Variants in AKAP13 observed in about 807,000 individuals in gnomAD.
AKAP13 encodes the protein A-kinase anchor protein 13.
A neutral mutation model predicts 264.5 loss-of-function variants in AKAP13; 80 were observed. That is an observed-to-expected ratio of 0.30 (90% CI 0.25 to 0.36). The LOEUF is 0.36. Ranked by LOEUF, AKAP13 falls within the 10% of genes least tolerant of loss-of-function variation. AKAP13 has a pLI of 1.00. For missense variants in AKAP13, 3,712 were observed against 3,435.2 expected (o/e 1.08, Z -2.01); for synonymous variants, 1,380 against 1,250.2 (o/e 1.10, Z -2.19).
intron 30 of AKAP13, 105 bp downstream of exon 30, chr15:85,730,812 G>C (rs1478655256): frequency 1.0e-5 from 10 of 985,644 alleles, no homozygotes; most frequent in African/African-American, 1.6e-5. Context: ...CACAAATGCA[G>C]AAAATTACCC....
chr15:85,438,156 A>G (rs1596171900), intron 1 of AKAP13, among the ~76,000 whole-genome samples: 2 of 146,598 alleles, frequency 1.4e-5, no homozygotes, highest in East Asian at 2.0e-4. Flanking sequence ...AATCACAAGC[A>G]TTCTCATACA....
intron 10 of AKAP13, 69 bp downstream of exon 10, chr15:85,646,023 C>G: frequency 6.4e-7 from 1 of 1,555,282 alleles, no homozygotes; most frequent in South Asian, 1.2e-5. Flanking sequence ...TTCCCAAACT[C>G]TTTTCCAACT....
At chr15:85,688,047 A>G (rs2085050563) in intron 16 of AKAP13, among the ~76,000 whole-genome samples, 1 of 150,646 alleles carries the variant, frequency 6.6e-6, no homozygotes, top group African/African-American at 2.4e-5. Context: ...AAAAAAAAAA[A>G]AAGAGAGAGA....
intron 2 of AKAP13, among the ~76,000 whole-genome samples, chr15:85,507,972 T>C (rs1181429830): frequency 6.6e-6 from 1 of 152,118 alleles, no homozygotes; most frequent in Non-Finnish European, 1.5e-5. Context: ...TCCTAAACTG[T>C]CCTTGATGGT....
At chr15:85,618,266 A>G (rs950339657) in intron 8 of AKAP13, among the ~76,000 whole-genome samples, 2 of 152,032 alleles carry the variant, frequency 1.3e-5, no homozygotes, top group African/African-American at 2.4e-5. Context: ...CCCTTTTTCT[A>G]TATCCGTTTT....
chr15:85,572,919 G>A (rs758236915), intron 5 of AKAP13, among the ~76,000 whole-genome samples: 4 of 152,182 alleles, frequency 2.6e-5, no homozygotes, highest in Non-Finnish European at 5.9e-5. Flanking sequence ...AACATGTGGT[G>A]TTTGGTTTTC....
At chr15:85,475,893 T>C (rs548591990) in intron 1 of AKAP13, among the ~76,000 whole-genome samples, 8 of 152,158 alleles carry the variant, frequency 5.3e-5, no homozygotes, top group Non-Finnish European at 1.2e-4. Context: ...TAGCATTCAT[T>C]GGGGGCTCAG....
At position 85,655,557 on chromosome 15, in the gene AKAP13, G is replaced by T. The variant is rs370132033; in HGVS notation, c.4515G>T (p.Arg1505=). The T allele has an allele frequency of 6.2e-7, 1 of 1,614,200 alleles. No individual in the cohort carries two copies. Among genetic ancestry groups the T allele is most frequent in the African/African-American group, 1.3e-5 (1 of 75,044 alleles). ...TAAAGCCAAACAGGTCAAGAGATCG[G>T]CAAAGCCTTGATGGATTCTACAGCC... ...QILKPNRSRD[R]QSLDGFYSHG... The change falls in exon 11 of 37, where the codon CGG becomes CGT. Residue 1505 remains arginine (R), a synonymous_variant. Transcript: ENST00000394518.
At position 85,461,400 on chromosome 15, in the gene AKAP13, G is replaced by A. The variant is rs545537572; in HGVS notation, c.-11-24310G>A. The stretch of plus-strand genomic sequence containing the variant: ...CAGAGTGCTGGGATTACAGGTGTGA[G>A]CCACTGCGCCCGGCCCGTTATAATT... On this transcript the variant is annotated intron_variant, in intron 1 of 36. Transcript: ENST00000394518. 4.6e-5 allele frequency among the ~76,000 whole-genome samples: 7 copies of A among 152,300 alleles called. No individual in the cohort carries two copies. In the East Asian group the frequency reaches 1.4e-3, roughly 29 times the overall value.
intron 5 of AKAP13, among the ~76,000 whole-genome samples, chr15:85,561,386 C>G (rs750072718): frequency 6.6e-6 from 1 of 152,106 alleles, no homozygotes; most frequent in Non-Finnish European, 1.5e-5. Context: ...TAAAAGCTCT[C>G]CAGGCAATTT....
At chr15:85,458,235 G>A (rs555681002) in intron 1 of AKAP13, among the ~76,000 whole-genome samples, 63 of 151,706 alleles carry the variant, frequency 4.2e-4, no homozygotes, top group African/African-American at 1.5e-3. Flanking sequence ...TGTTTGTTAC[G>A]GAAATTCTGA....
intron 10 of AKAP13, among the ~76,000 whole-genome samples, chr15:85,654,785 C>T (rs2083021917): frequency 6.6e-6 from 1 of 152,038 alleles, no homozygotes; most frequent in Admixed American, 6.5e-5. Context: ...AATTTCACCA[C>T]TGCACCCCAG....
intron 5 of AKAP13, among the ~76,000 whole-genome samples, chr15:85,548,583 G>T (rs896612323): frequency 6.6e-6 from 1 of 151,838 alleles, no homozygotes; most frequent in Non-Finnish European, 1.5e-5. Flanking sequence ...TACATCACAA[G>T]GTTATTTTAA....
At chr15:85,419,313 C>T (rs2150893740) in intron 1 of AKAP13, among the ~76,000 whole-genome samples, 1 of 152,306 alleles carries the variant, frequency 6.6e-6, no homozygotes, top group Non-Finnish European at 1.5e-5. Flanking sequence ...CCTTTTGATA[C>T]TCTGTGAGTT....
At chr15:85,688,624 A>G (rs1249049980) in intron 16 of AKAP13, among the ~76,000 whole-genome samples, 1 of 152,234 alleles carries the variant, frequency 6.6e-6, no homozygotes, top group African/African-American at 2.4e-5. Context: ...AACAGTTCTT[A>G]AACATGTCCA....
chr15:85,710,567 C>G lies in AKAP13; in HGVS notation c.5533-12C>G. 1 of 1,613,184 alleles carries G rather than the reference C, an allele frequency of 6.2e-7. No individual in the cohort carries two copies. Reference sequence around the variant, plus strand: ...GGTGAATTGTCAATGGACTTACTTTCTTTCTCTTTAGCAGCCCAAAGGGAG... The same window carrying G: ...GGTGAATTGTCAATGGACTTACTTTGTTTCTCTTTAGCAGCCCAAAGGGAG... On this transcript the variant is annotated splice_polypyrimidine_tract_variant and intron_variant, in intron 18 of 36. Coordinates refer to ENST00000394518, the MANE Select transcript of AKAP13 (RefSeq NM_007200.5).
At chr15:85,651,788 C>T (rs73454428) in intron 10 of AKAP13, among the ~76,000 whole-genome samples, 6,376 of 152,216 alleles carry the variant, frequency 0.042, 436 homozygotes, top group African/African-American at 0.15. Flanking sequence ...GTTTTCCCAC[C>T]GCAGATTAGT....
chr15:85,640,959 T>C (rs987647331), intron 9 of AKAP13, among the ~76,000 whole-genome samples: 2 of 152,174 alleles, frequency 1.3e-5, no homozygotes, highest in African/African-American at 4.8e-5. Flanking sequence ...AGCAATTTAG[T>C]CTTTTTAGAG....
rs759841589 is a variant in AKAP13, at chr15:85,744,698, G to A, written c.*21G>A. On this transcript the variant is annotated 3_prime_UTR_variant, in exon 37 of 37. Coordinates refer to ENST00000394518, the MANE Select transcript of AKAP13 (RefSeq NM_007200.5). ...GCTGACCCTCTTCCTCTCTGCTGAG[G>A]CAGCTGCCTCCTGATCCTGGCCAGC... 2 of 1,587,542 alleles carry A rather than the reference G, an allele frequency of 1.3e-6. No homozygotes were observed. The highest frequency in any genetic ancestry group is 8.6e-7 in the Non-Finnish European group (1 of 1,168,032).
Sources: gnomAD v4.1 joint callset for allele counts (sites outside exome capture counted in the v4.1 genomes callset) on GRCh38, gnomAD v4.1.1 for gene constraint, MANE v1.5 for transcripts, NCBI Gene and HGNC (gene_info 2026-07-23, HGNC 2026-07-21) for gene names.